Variants in VPS13B observed in about 807,000 individuals in gnomAD.
VPS13B encodes vacuolar protein sorting 13 homolog B.
VPS13B carries 285 observed loss-of-function variants against 426.4 expected under a neutral mutation model. The ratio of observed to expected loss-of-function variants is 0.67; its 90% CI spans 0.61 to 0.74. VPS13B has a LOEUF of 0.74. Among genes scored for constraint, VPS13B ranks in the 30% least tolerant of loss-of-function variants. The probability of loss-of-function intolerance (pLI) is 0.00; values close to 1 mark genes in which losing one functional copy is unlikely to be tolerated. For synonymous variants in VPS13B, 1,676 were observed against 1,676.4 expected (o/e 1.00, Z 0.01); for missense variants, 4,537 against 4,782.6 (o/e 0.95, Z 1.51).
At chr8:99,812,240 T>A (rs1813743935) in intron 44 of VPS13B, among the ~76,000 whole-genome samples, 1 of 152,192 alleles carries the variant, frequency 6.6e-6, no homozygotes, top group Non-Finnish European at 1.5e-5. Flanking sequence ...GATTTAATTT[T>A]TGCTGTCAGG....
chr8:99,232,135 A>G (rs543095878), intron 17 of VPS13B, among the ~76,000 whole-genome samples: 40 of 152,134 alleles, frequency 2.6e-4, no homozygotes, highest in Admixed American at 2.6e-4. Context: ...TGTTGCGTAG[A>G]TATGGGATTG....
intron 33 of VPS13B, among the ~76,000 whole-genome samples, chr8:99,627,607 C>T (rs577069339): frequency 6.6e-6 from 1 of 152,236 alleles, no homozygotes; most frequent in East Asian, 1.9e-4. Context: ...TGGCCTTGAA[C>T]TCCTGACCTC....
chr8:99,470,212 T>C (rs374219023), intron 24 of VPS13B, among the ~76,000 whole-genome samples: 1 of 152,142 alleles, frequency 6.6e-6, no homozygotes, highest in East Asian at 1.9e-4. Flanking sequence ...ATAAGATATC[T>C]CTTAGCATGG....
At chr8:99,050,985 G>A (rs924443816) in intron 3 of VPS13B, among the ~76,000 whole-genome samples, 1 of 152,090 alleles carries the variant, frequency 6.6e-6, no homozygotes, top group Non-Finnish European at 1.5e-5. Flanking sequence ...TAGGTTGTCT[G>A]TTCACTCTGA....
chr8:99,222,067 C>T (rs1588151511), intron 17 of VPS13B, among the ~76,000 whole-genome samples: 1 of 152,150 alleles, frequency 6.6e-6, no homozygotes, highest in East Asian at 1.9e-4. Flanking sequence ...TATTCAGACT[C>T]ACCCCTCAAA....
chr8:99,791,952 G>A (rs890437960), intron 43 of VPS13B, among the ~76,000 whole-genome samples: 9 of 152,110 alleles, frequency 5.9e-5, no homozygotes, highest in African/African-American at 2.2e-4. Context: ...AGAGTGTGAA[G>A]AGAAAACCCT....
At position 99,311,572 on chromosome 8, in the gene VPS13B, G is replaced by A. The variant is rs545059679; in HGVS notation, c.2824+36318G>A. ...ATTTCTGTTCTTTTACATTTGCTGA[G>A]GAGTGCTTTACTTCCAACTATGTGG... is the stretch of plus-strand genomic sequence containing the variant. On this transcript the variant is annotated intron_variant, in intron 19 of 61. Coordinates refer to ENST00000357162, the MANE Select transcript of VPS13B (RefSeq NM_152564.5). Among the ~76,000 whole-genome samples, 56 of 152,276 alleles carry A rather than the reference G, an allele frequency of 3.7e-4. 1 individual carries two copies. The highest frequency in any genetic ancestry group is 7.2e-4 in the Admixed American group (11 of 15,284).
intron 8 of VPS13B, among the ~76,000 whole-genome samples, chr8:99,128,860 C>T (rs1026341057): frequency 6.6e-6 from 1 of 152,056 alleles, no homozygotes; most frequent in Non-Finnish European, 1.5e-5. Flanking sequence ...TTTAAGATAG[C>T]TGGACTCAGT....
At chr8:99,017,427 T>G (rs1159325230) in intron 2 of VPS13B, among the ~76,000 whole-genome samples, 1 of 152,350 alleles carries the variant, frequency 6.6e-6, no homozygotes, top group East Asian at 1.9e-4. Flanking sequence ...TAGTACAACT[T>G]TGTTCTTTTC....
At chr8:99,064,037 A>C (rs986680641) in intron 3 of VPS13B, among the ~76,000 whole-genome samples, 1 of 152,210 alleles carries the variant, frequency 6.6e-6, no homozygotes, top group Non-Finnish European at 1.5e-5. Context: ...AGGAAAACTA[A>C]CAAACAGAAA....
At chr8:99,339,385 A>G (rs929035251) in intron 19 of VPS13B, among the ~76,000 whole-genome samples, 4 of 152,076 alleles carry the variant, frequency 2.6e-5, no homozygotes, top group Admixed American at 1.3e-4. Context: ...GAGGTGGAGT[A>G]GGAGAAAGAG....
intron 16 of VPS13B, among the ~76,000 whole-genome samples, chr8:99,184,973 G>T (rs1183670172): frequency 2.0e-5 from 3 of 152,184 alleles, no homozygotes; most frequent in Non-Finnish European, 4.4e-5. Context: ...CTCAGGGACA[G>T]AGCGAGACTC....
intron 30 of VPS13B, chr8:99,536,857 A>C: frequency 2.1e-6 from 1 of 486,442 alleles, no homozygotes; most frequent in Non-Finnish European, 4.3e-6. Flanking sequence ...GTATAGTACC[A>C]CTAAACTTTA....
intron 4 of VPS13B, among the ~76,000 whole-genome samples, chr8:99,102,189 T>G: frequency 6.6e-6 from 1 of 152,032 alleles, no homozygotes. Flanking sequence ...ATTAATTACT[T>G]TTAGTGTTTG....
chr8:99,184,509 CATTT>C (rs1165134218), intron 16 of VPS13B, among the ~76,000 whole-genome samples: 3 of 152,012 alleles, frequency 2.0e-5, no homozygotes, highest in African/African-American at 7.2e-5. Flanking sequence ...GGTAATAAGA[CATTT>C]ATTACACTTT....
At chr8:99,052,500 A>G (rs1208414566) in intron 3 of VPS13B, among the ~76,000 whole-genome samples, 3 of 122,904 alleles carry the variant, frequency 2.4e-5, no homozygotes, top group African/African-American at 6.1e-5. Flanking sequence ...GTCTTTTTGT[A>G]TTGTGTCTCT....
rs1815121151 is a variant in VPS13B, at chr8:99,832,361, T to TTTC, written c.9331-6_9331-5insCTT. On this transcript the variant is annotated splice_polypyrimidine_tract_variant and splice_region_variant and intron_variant, in intron 51 of 61. Coordinates refer to ENST00000357162, the MANE Select transcript of VPS13B (RefSeq NM_152564.5). ...TCTGCATTTTTTTTTTTTTTTTTTT[T>TTTC]TTTTTAGTATTTTCGTGTTCCAGAC... 6.8e-7 allele frequency: 1 copy of TTTC among 1,480,362 alleles called. No homozygotes were observed. The highest frequency in any genetic ancestry group is 1.5e-5 in the African/African-American group (1 of 68,226). The allele number at this position is 1,480,362 out of a possible 1,614,324, so 91.7% of individuals were successfully genotyped here.
At chr8:99,795,897 G>T (rs2130742722) in intron 43 of VPS13B, among the ~76,000 whole-genome samples, 1 of 152,290 alleles carries the variant, frequency 6.6e-6, no homozygotes, top group African/African-American at 2.4e-5. Context: ...GTCATTCATT[G>T]TTTTATTTGT....
intron 3 of VPS13B, among the ~76,000 whole-genome samples, chr8:99,065,918 T>TA (rs1332548561): frequency 3.3e-5 from 5 of 151,998 alleles, no homozygotes; most frequent in East Asian, 1.9e-4. Context: ...TCAAAGAGAA[T>TA]AAATACCTAG....
Sources: gnomAD v4.1 joint callset for allele counts (sites outside exome capture counted in the v4.1 genomes callset) on GRCh38, gnomAD v4.1.1 for gene constraint, MANE v1.5 for transcripts, NCBI Gene and HGNC (gene_info 2026-07-23, HGNC 2026-07-21) for gene names.